The following CFAP43 variants were observed in gnomAD, a reference collection of about 807,000 sequenced individuals.
The protein encoded by CFAP43 is cilia and flagella associated protein 43, also known as cilia- and flagella-associated protein 43.
In CFAP43, 155 loss-of-function variants were observed where a neutral mutation model predicts 218.9. The ratio of observed to expected loss-of-function variants is 0.71; its 90% CI spans 0.62 to 0.81. CFAP43 has a LOEUF of 0.81. Ranked by LOEUF, CFAP43 falls within the 30% of genes least tolerant of loss-of-function variation. The pLI is 0.00. For synonymous variants in CFAP43, 645 were observed against 681.3 expected, an observed-to-expected ratio of 0.95 and a Z score of 0.83; for missense variants, 1,778 against 1,954.3, an observed-to-expected ratio of 0.91 and a Z score of 1.70.
intron 8 of CFAP43, among the ~76,000 whole-genome samples, chr10:104,198,637 A>T (rs1198043835): frequency 1.3e-5 from 2 of 150,994 alleles, no homozygotes; most frequent in Non-Finnish European, 2.9e-5. Flanking sequence ...TTTTATTTTT[A>T]ATTTTTTAAA....
chr10:104,162,796 G>C (rs1312465764), intron 24 of CFAP43, among the ~76,000 whole-genome samples: 1 of 151,736 alleles, frequency 6.6e-6, no homozygotes, highest in Non-Finnish European at 1.5e-5. Flanking sequence ...CCAGGTGGGA[G>C]AGAAGTTGGG....
intron 16 of CFAP43, among the ~76,000 whole-genome samples, chr10:104,184,414 T>A (rs1292980349): frequency 1.3e-5 from 2 of 152,136 alleles, no homozygotes; most frequent in Non-Finnish European, 2.9e-5. Context: ...ACATTTCTTA[T>A]GTTATGAGAG....
chr10:104,198,744 GGGTTCA>G (rs1461454125), intron 8 of CFAP43, among the ~76,000 whole-genome samples: 3 of 151,230 alleles, frequency 2.0e-5, no homozygotes, highest in African/African-American at 7.3e-5. Flanking sequence ...TCTGCCTCCT[GGGTTCA>G]AGAGATTCTC....
intron 7 of CFAP43, among the ~76,000 whole-genome samples, chr10:104,205,137 C>T (rs1269400777): frequency 1.4e-5 from 2 of 139,822 alleles, no homozygotes; most frequent in East Asian, 2.1e-4. Flanking sequence ...GGCGTGAACC[C>T]AGGAGTTGGA....
chr10:104,153,940 A>C (rs973056626), intron 27 of CFAP43, among the ~76,000 whole-genome samples: 2 of 152,122 alleles, frequency 1.3e-5, no homozygotes, highest in African/African-American at 2.4e-5. Flanking sequence ...ATGTTTTCTC[A>C]ATTGTACACC....
At chr10:104,218,089 C>T (rs1202961427) in intron 3 of CFAP43, among the ~76,000 whole-genome samples, 2 of 152,030 alleles carry the variant, frequency 1.3e-5, no homozygotes, top group African/African-American at 4.8e-5. Context: ...TGGCTCACGC[C>T]TGTAATCCCA....
chr10:104,220,214 G>T (rs570763769), intron 3 of CFAP43, among the ~76,000 whole-genome samples: 3 of 152,270 alleles, frequency 2.0e-5, no homozygotes, highest in East Asian at 3.9e-4. Context: ...AGAGGCGCGG[G>T]GGCAGATTCT....
At chr10:104,210,782 T>TC (rs1564802467) in intron 5 of CFAP43, among the ~76,000 whole-genome samples, 2 of 131,230 alleles carry the variant, frequency 1.5e-5, no homozygotes, top group African/African-American at 3.0e-5. Flanking sequence ...CGTGAAACAC[T>TC]CTTTTTTTTT....
chr10:104,151,499 T>G (rs1363868527), intron 28 of CFAP43, among the ~76,000 whole-genome samples: 1 of 152,188 alleles, frequency 6.6e-6, no homozygotes, highest in Admixed American at 6.5e-5. Context: ...TATCTAATGA[T>G]CAGTGATGAG....
chr10:104,204,055 T>C (rs577293062), intron 7 of CFAP43, among the ~76,000 whole-genome samples: 244 of 152,356 alleles, frequency 1.6e-3, no homozygotes, highest in Non-Finnish European at 1.3e-3. Context: ...CTCCCCTTTT[T>C]TTGAGTTTCT....
intron 2 of CFAP43, among the ~76,000 whole-genome samples, chr10:104,230,354 A>C (rs1476494019): frequency 6.6e-6 from 1 of 152,002 alleles, no homozygotes; most frequent in African/African-American, 2.4e-5. Flanking sequence ...AATCCCAGCT[A>C]CTCAGGAGGC....
chr10:104,179,847 C>CT lies in CFAP43; in HGVS notation c.2374dup (p.Ser792LysfsTer10), dbSNP rs2089764985. The CT allele has an allele frequency of 3.1e-6, 5 of 1,612,830 alleles. No homozygotes were observed. In the African/African-American group the frequency reaches 4.0e-5, roughly 13 times the overall value. Reference sequence around the variant, plus strand: ...CCCATGTTTCACAAATACCTCTTGGCTTTTTTGTTGTATCCAAGGAATTTC... The same window carrying CT: ...CCCATGTTTCACAAATACCTCTTGGCTTTTTTTGTTGTATCCAAGGAATTTC... On this transcript the variant is annotated frameshift_variant, in exon 18 of 38. Transcript: ENST00000357060. LOFTEE classifies it high-confidence loss of function.
At position 104,212,108 on chromosome 10, in the gene CFAP43, C is replaced by T. The variant is rs745907403; in HGVS notation, c.634G>A (p.Val212Ile). 9.3e-6 allele frequency: 15 copies of T among 1,613,858 alleles called. No individual in the cohort carries two copies. The highest frequency in any genetic ancestry group is 1.3e-5 in the African/African-American group (1 of 74,902). The change falls in exon 5 of 38, where the codon GTC becomes ATC. Residue 212 changes from valine (V) to isoleucine (I), a missense_variant. Transcript: ENST00000357060. ...TTCGGCAACGACTGGGGGAAAACGA[C>T]ATCCGTTTCATTAAAAAATGACCCA... is the stretch of plus-strand genomic sequence containing the variant. ...EDGSFFNETD[V>I]VFPQSLPKDL...
chr10:104,139,035 A>G (rs901721164), intron 34 of CFAP43, among the ~76,000 whole-genome samples: 10 of 152,224 alleles, frequency 6.6e-5, no homozygotes, highest in African/African-American at 1.9e-4. Context: ...AAGTCTATCT[A>G]TCTGTCTGTC....
rs1273961076 is a variant in CFAP43 at position 104,210,443 on chromosome 10, T to G, written c.735+1564A>C. ...GTGCAATGGTGCAATCTTGGCTCAC[T>G]GCAACCTCCGCCTCCCGGCTTCAAG... On this transcript the variant is annotated intron_variant, in intron 5 of 37. Transcript: ENST00000357060. Among the ~76,000 whole-genome samples the G allele has an allele frequency of 2.0e-5, 3 of 152,368 alleles. No individual in the cohort carries two copies. In the East Asian group the frequency reaches 5.8e-4, roughly 29 times the overall value.
chr10:104,137,272 A>G (rs561280867), intron 34 of CFAP43, among the ~76,000 whole-genome samples: 1 of 152,344 alleles, frequency 6.6e-6, no homozygotes, highest in East Asian at 1.9e-4. Context: ...ATGAAATATG[A>G]TTTGGTCACA....
In CFAP43 at chr10:104,130,531, C is replaced by T. The variant is rs1290588844; in HGVS notation, c.4832-226G>A. ...TGTGGTACATATACACCATGGGACA[C>T]TACACAGCCATAAAAAAAAGAATGA... On this transcript the variant is annotated intron_variant, in intron 37 of 37. Coordinates refer to ENST00000357060, the MANE Select transcript of CFAP43 (RefSeq NM_025145.7). Among the ~76,000 whole-genome samples the T allele has an allele frequency of 2.0e-5, 3 of 152,124 alleles. No individual in the cohort carries two copies. The South Asian group carries it at 6.2e-4, about 31-fold the overall frequency.
At chr10:104,140,756 C>T in intron 34 of CFAP43, 86 bp downstream of exon 34, 2 of 1,086,276 alleles carry the variant, frequency 1.8e-6, no homozygotes, top group Non-Finnish European at 2.6e-6. Flanking sequence ...GTTAAGGCTG[C>T]AGTGAGCCAT....
At chr10:104,188,849 G>A (rs1840067994) in intron 12 of CFAP43, among the ~76,000 whole-genome samples, 2 of 152,174 alleles carry the variant, frequency 1.3e-5, no homozygotes, top group African/African-American at 4.8e-5. Context: ...GTGACTTTAT[G>A]AGCTTGCTCC....
Sources: allele counts gnomAD v4.1 joint callset (sites outside exome capture counted in the v4.1 genomes callset), GRCh38; gene constraint gnomAD v4.1.1; transcripts MANE v1.5; gene names NCBI Gene and HGNC (gene_info 2026-07-23, HGNC 2026-07-21).